The following SLC36A1 variants were observed in gnomAD, a reference collection of about 807,000 sequenced individuals.
SLC36A1 encodes the protein solute carrier family 36 member 1, also known as proton-coupled amino acid transporter 1.
Under a neutral mutation model 47.5 loss-of-function variants are expected in SLC36A1, and 30 were observed. The observed-to-expected ratio is 0.63, with a 90% CI of 0.47 to 0.86. SLC36A1 has a LOEUF of 0.86. Ranked by LOEUF, SLC36A1 falls within the 40% of genes least tolerant of loss-of-function variation. The pLI is 0.00. For synonymous variants in SLC36A1, 255 were observed against 249.7 expected (o/e 1.02, Z -0.20); for missense variants, 517 against 606.0 (o/e 0.85, Z 1.54).
chr5:151,458,390 G>A (rs866316471), intron 1 of SLC36A1, among the ~76,000 whole-genome samples: 7 of 147,532 alleles, frequency 4.7e-5, no homozygotes, highest in Admixed American at 2.7e-4. Flanking sequence ...CAAGGTCCAA[G>A]ACATTATCTC....
In SLC36A1 at chr5:151,488,000, A is replaced by C. The variant is rs983734096; in HGVS notation, c.1177A>C (p.Ile393Leu). The change falls in exon 11 of 11, where the codon ATC becomes CTC. Residue 393 changes from isoleucine (I) to leucine (L), a missense_variant. By Grantham distance (5) the Ile-to-Leu change is conservative. Coordinates refer to ENST00000243389, the MANE Select transcript of SLC36A1 (RefSeq NM_078483.4). The stretch of plus-strand genomic sequence containing the variant: ...CCCTGCAGGCATCTTGGCCATCCTC[A>C]TCCCCCGCCTGGACCTGGTCATCTC... ...VCLTCILAIL[I>L]PRLDLVISLV... 1.2e-6 allele frequency: 2 copies of C among 1,613,880 alleles called. No individual in the cohort carries two copies. Among genetic ancestry groups the C allele is most frequent in the African/African-American group, 2.7e-5 (2 of 74,888 alleles).
intron 1 of SLC36A1, among the ~76,000 whole-genome samples, chr5:151,437,941 G>A (rs112006337): frequency 1.4e-4 from 21 of 151,748 alleles, no homozygotes; most frequent in South Asian, 2.1e-4. Flanking sequence ...GGCTCATGGC[G>A]TCTTCCTCCA....
At chr5:151,376,723 C>T in the SLC36A1 span, among the ~76,000 whole-genome samples, 1 of 152,066 alleles carries the variant, frequency 6.6e-6, no homozygotes. Context: ...ACCTCTGCCT[C>T]CCAGGTTCAT....
chr5:151,441,066 T>C (rs1009136635), intron 1 of SLC36A1, among the ~76,000 whole-genome samples: 39 of 152,128 alleles, frequency 2.6e-4, no homozygotes, highest in African/African-American at 7.2e-4. Flanking sequence ...GACCCAGAAT[T>C]TGCATTTCTG....
At chr5:151,449,280 C>T (rs965859859) in intron 1 of SLC36A1, among the ~76,000 whole-genome samples, 1 of 152,186 alleles carries the variant, frequency 6.6e-6, no homozygotes, top group East Asian at 1.9e-4. Context: ...TAAACATGAT[C>T]AGGGCCCTCT....
In SLC36A1 at chr5:151,463,570, T is replaced by A; in HGVS notation, c.161T>A (p.Ile54Asn). The change falls in exon 3 of 11, where the codon ATC (isoleucine) becomes AAC (asparagine). Residue 54 changes from isoleucine to asparagine, a missense_variant. Transcript: ENST00000243389. ...CACTTCAGATGGTTCCAGACCTTGA[T>A]CCACCTGTTAAAAGGCAACATTGGC... ...SNSTTWFQTL[I>N]HLLKGNIGTG... 1 of 1,614,026 alleles carries A rather than the reference T, an allele frequency of 6.2e-7. No individual in the cohort carries two copies. Among genetic ancestry groups the A allele is most frequent in the Non-Finnish European group, 8.5e-7 (1 of 1,179,846 alleles).
chr5:151,385,480 G>C, the SLC36A1 span, among the ~76,000 whole-genome samples: 1 of 152,208 alleles, frequency 6.6e-6, no homozygotes, highest in African/African-American at 2.4e-5. Flanking sequence ...ATGCCTTAGA[G>C]GGCTTCCAAC....
the SLC36A1 span, chr5:151,553,172 C>T: frequency 6.2e-7 from 1 of 1,614,194 alleles, no homozygotes; most frequent in Non-Finnish European, 8.5e-7. Flanking sequence ...TAGGCCTTGC[C>T]TCACCTGAGA....
downstream of SLC36A1, among the ~76,000 whole-genome samples, chr5:151,496,818 T>G (rs1018224365): frequency 1.3e-5 from 2 of 152,228 alleles, no homozygotes; most frequent in African/African-American, 2.4e-5. Context: ...TATTTGTTAT[T>G]TTAACCATTT....
rs145273078 is a variant in SLC36A1 at position 151,486,221 on chromosome 5, G to A, written c.1160-1762G>A. On this transcript the variant is annotated intron_variant, in intron 10 of 10. Transcript: ENST00000243389. ...ATGGCAAGACAGGGAGCAAGGAGAA[G>A]GGAGGTACCAGGCTCTTTTAAACAA... is the stretch of plus-strand genomic sequence containing the variant. 1.6e-3 allele frequency among the ~76,000 whole-genome samples: 237 copies of A among 152,278 alleles called. 1 individual carries two copies. The highest frequency in any genetic ancestry group is 5.1e-3 in the African/African-American group (210 of 41,544).
chr5:151,393,409 G>T, the SLC36A1 span, among the ~76,000 whole-genome samples: 3 of 152,232 alleles, frequency 2.0e-5, no homozygotes, highest in African/African-American at 7.2e-5. Context: ...TACATTTAGG[G>T]TTAATAGTGT....
chr5:151,538,519 T>A, the SLC36A1 span, among the ~76,000 whole-genome samples: 4 of 152,156 alleles, frequency 2.6e-5, no homozygotes, highest in African/African-American at 9.7e-5. Flanking sequence ...TCATGGCATC[T>A]GAGGGAGTGG....
the SLC36A1 span, chr5:151,540,659 T>C: frequency 6.2e-7 from 1 of 1,614,234 alleles, no homozygotes; most frequent in Non-Finnish European, 8.5e-7. Flanking sequence ...GCTGTGACTC[T>C]GAGCAAGTAC....
chr5:151,476,641 C>A lies in SLC36A1; in HGVS notation c.874C>A (p.Leu292Met). ...MKDPRKFPLI[L>M]YLGMVIVTIL... is the part of the protein sequence containing the mutation. ...GGATCCTCGGAAGTTCCCACTCATC[C>A]TGTACCTGGGCATGGTCATCGTCAC... is the stretch of plus-strand genomic sequence containing the variant. The change falls in exon 9 of 11, where the codon CTG (leucine) becomes ATG (methionine). Residue 292 changes from leucine to methionine, a missense_variant. Leu to Met is a conservative substitution (Grantham distance 15, BLOSUM62 2). Transcript: ENST00000243389. 6.2e-7 allele frequency: 1 copy of A among 1,611,758 alleles called. No individual in the cohort carries two copies. Among genetic ancestry groups the A allele is most frequent in the Non-Finnish European group, 8.5e-7 (1 of 1,178,894 alleles).
chr5:151,546,157 G>A, the SLC36A1 span: 25 of 1,614,104 alleles, frequency 1.5e-5, no homozygotes, highest in Non-Finnish European at 2.1e-5. Flanking sequence ...AAAGATGGGG[G>A]CACTCCTATC....
At chr5:151,506,721 A>G in the SLC36A1 span, among the ~76,000 whole-genome samples, 7 of 152,224 alleles carry the variant, frequency 4.6e-5, no homozygotes, top group Non-Finnish European at 1.0e-4. Flanking sequence ...TTTTGAGCCA[A>G]AGATGAGAAG....
chr5:151,476,518 G>T (rs956934590), intron 8 of SLC36A1, 72 bp from the exon 9 acceptor site: 8 of 973,158 alleles, frequency 8.2e-6, no homozygotes, highest in Non-Finnish European at 4.3e-6. Flanking sequence ...TTTTTCTGAG[G>T]TTTTTTTTTT....
At chr5:151,356,339 C>CAAACAAAAAAAAAAAA in the SLC36A1 span, among the ~76,000 whole-genome samples, 1 of 51,314 alleles carries the variant, frequency 1.9e-5, no homozygotes, top group African/African-American at 5.4e-5. Context: ...CTCTGTCTCA[C>CAAACAAAAAAAAAAAA]AAAAAAAAAA....
the SLC36A1 span, among the ~76,000 whole-genome samples, chr5:151,524,715 C>G: frequency 6.6e-6 from 1 of 152,184 alleles, no homozygotes; most frequent in Non-Finnish European, 1.5e-5. Flanking sequence ...TCTCCTCAGC[C>G]TCATTCCCAC....
Sources: allele counts gnomAD v4.1 joint callset (sites outside exome capture counted in the v4.1 genomes callset), GRCh38; gene constraint gnomAD v4.1.1; transcripts MANE v1.5; gene names NCBI Gene and HGNC (gene_info 2026-07-23, HGNC 2026-07-21).